SLAMF9: variants seen among roughly 807,000 people sequenced by gnomAD.
The protein encoded by SLAMF9 is SLAM family member 9, also known as CD2 family member 10.
In SLAMF9, 25 loss-of-function variants were observed where a neutral mutation model predicts 30.4. The observed-to-expected ratio is 0.82, with a 90% CI of 0.60 to 1.15. SLAMF9 has a LOEUF of 1.15. Among genes scored for constraint, SLAMF9 ranks in the 50% most tolerant of loss-of-function variants. The pLI is 0.00. For synonymous variants in SLAMF9, 129 were observed against 127.2 expected (o/e 1.01, Z -0.09); for missense variants, 344 against 346.1 (o/e 0.99, Z 0.05).
At chr1:159,959,926 C>T in the SLAMF9 span, among the ~76,000 whole-genome samples, 409 of 152,156 alleles carry the variant, frequency 2.7e-3, 1 homozygote, top group Non-Finnish European at 5.0e-3. Flanking sequence ...GTAACTAAGG[C>T]AGGAAGAGAC....
chr1:159,983,336 G>C, the SLAMF9 span: 15 of 152,170 alleles, frequency 9.9e-5, no homozygotes, highest in African/African-American at 3.6e-4. Context: ...TGATAAGTGG[G>C]TATTGAGTGG....
the SLAMF9 span, among the ~76,000 whole-genome samples, chr1:159,963,903 A>G: frequency 1.3e-5 from 2 of 152,170 alleles, no homozygotes; most frequent in East Asian, 1.9e-4. Context: ...TACTAAATAT[A>G]CAAAAAATTA....
At chr1:159,954,356 T>G (rs1651878395), upstream of SLAMF9, 1 of 425,918 alleles carries the variant, frequency 2.3e-6, no homozygotes, top group Non-Finnish European at 4.2e-6. Flanking sequence ...AGATCCTGAT[T>G]GTCATGACAG....
the SLAMF9 span, chr1:159,972,939 G>C: frequency 0.013 from 13,713 of 1,035,248 alleles, 163 homozygotes; most frequent in South Asian, 0.039. Context: ...CCTCCCAGGG[G>C]GTCCCACTGC....
At chr1:159,976,390 C>G in the SLAMF9 span, among the ~76,000 whole-genome samples, 1 of 152,002 alleles carries the variant, frequency 6.6e-6, no homozygotes, top group Non-Finnish European at 1.5e-5. Flanking sequence ...CAGTGCACCT[C>G]CATTTGTATA....
the SLAMF9 span, among the ~76,000 whole-genome samples, chr1:159,977,761 G>A: frequency 1.3e-5 from 2 of 152,172 alleles, no homozygotes; most frequent in Admixed American, 6.5e-5. Flanking sequence ...GATGGAGCCA[G>A]CCATCTACAC....
chr1:159,961,889 C>T, the SLAMF9 span, among the ~76,000 whole-genome samples: 21 of 151,850 alleles, frequency 1.4e-4, no homozygotes, highest in Non-Finnish European at 1.9e-4. Context: ...CCGGGCGTGG[C>T]GGCTCATGCC....
chr1:159,953,511 A>G lies in SLAMF9; in HGVS notation c.189T>C (p.Thr63=), dbSNP rs370201078. The G allele has an allele frequency of 1.2e-6, 2 of 1,614,078 alleles. No individual in the cohort carries two copies. The highest frequency in any genetic ancestry group is 1.7e-6 in the Non-Finnish European group (2 of 1,180,034). ...GATGTCCCTCTTTCCCTGGCACCAC[A>G]GTGGCAAGACTTTTGTGAGAGGACC... is the stretch of plus-strand genomic sequence containing the variant. The part of the protein sequence containing the change: ...IIWSSHKSLA[T]VVPGKEGHPA... Residue 63 remains threonine, a synonymous_variant, in exon 2 of 4, where the codon ACT becomes ACC. Coordinates refer to ENST00000368093, the MANE Select transcript of SLAMF9 (RefSeq NM_033438.4).
Position 159,951,691 on chromosome 1 carries a change from C to A in SLAMF9, c.840G>T (p.Lys280Asn). 1 of 1,614,180 alleles carries A rather than the reference C, an allele frequency of 6.2e-7. No homozygotes were observed. The highest frequency in any genetic ancestry group is 8.5e-7 in the Non-Finnish European group (1 of 1,180,040). ...KLMRNRMKLR[K>N]EAKPGSSPA ...CAGGGCTGGAGCCAGGCTTTGCCTC[C>A]TTCCTCAATTTCATTCTGTTTCTCA... The change falls in exon 4 of 4, where the codon AAG (lysine) becomes AAT (asparagine). Residue 280 changes from lysine to asparagine, a missense_variant. Lys to Asn is a moderately conservative substitution (Grantham distance 94). Transcript: ENST00000368093.
chr1:159,973,274 G>T, the SLAMF9 span: 2 of 751,890 alleles, frequency 2.7e-6, no homozygotes, highest in Admixed American at 2.2e-5. Context: ...CAGGAGGTGG[G>T]AACTGCTCTG....
chr1:159,968,363 A>G, the SLAMF9 span, among the ~76,000 whole-genome samples: 18 of 152,166 alleles, frequency 1.2e-4, no homozygotes, highest in African/African-American at 4.3e-4. Context: ...TCTCTGATGT[A>G]CCAAGTATTT....
At chr1:159,957,108 C>T (rs573227329), upstream of SLAMF9, among the ~76,000 whole-genome samples, 9 of 101,858 alleles carry the variant, frequency 8.8e-5, no homozygotes, top group Admixed American at 1.7e-4. Context: ...GGAGACAGAG[C>T]GAGACTCTGT....
the SLAMF9 span, chr1:159,976,957 AAAGAGAAAGAAAGAAGGAAAG>A: frequency 4.4e-4 from 3 of 6,860 alleles, no homozygotes; most frequent in African/African-American, 6.6e-4. Context: ...AGAAAGAAAG[AAAGAGAAAGAAAGAAGGAAAG>A]AAGGAAAGAA....
intron 1 of SLAMF9, 97 bp downstream of exon 1, chr1:159,953,994 CA>C (rs2101891563): frequency 1.4e-6 from 2 of 1,461,382 alleles, no homozygotes; most frequent in East Asian, 4.6e-5. Context: ...CTGACACATT[CA>C]ACCCCTAAGA....
chr1:159,952,650 A>G, intron 2 of SLAMF9, 116 bp from the exon 3 acceptor site: 1 of 1,127,136 alleles, frequency 8.9e-7, no homozygotes, highest in Admixed American at 2.3e-5. Context: ...GCACCTAAAC[A>G]ACAAATAGGC....
At chr1:159,976,662 C>T in the SLAMF9 span, 1 of 152,020 alleles carries the variant, frequency 6.6e-6, no homozygotes, top group African/African-American at 2.4e-5. Context: ...ATAAACCTCT[C>T]TTTCTTGAAG....
chr1:159,952,225 T>G (rs1304115078), intron 3 of SLAMF9, 37 bp downstream of exon 3: 4 of 1,609,746 alleles, frequency 2.5e-6, no homozygotes, highest in Non-Finnish European at 2.5e-6. Context: ...GGCACTATCT[T>G]TCATGAGCTC....
At chr1:159,971,487 A>T in the SLAMF9 span, among the ~76,000 whole-genome samples, 59 of 152,316 alleles carry the variant, frequency 3.9e-4, no homozygotes, top group African/African-American at 1.3e-3. Flanking sequence ...TCCAGGGTGA[A>T]GGATTCTAGC....
the SLAMF9 span, chr1:159,980,496 A>G: frequency 6.6e-6 from 1 of 151,700 alleles, no homozygotes; most frequent in Non-Finnish European, 1.5e-5. Flanking sequence ...AGTGGGTTTA[A>G]TTTCACCTCA....
Sources: gnomAD v4.1 joint callset for allele counts (sites outside exome capture counted in the v4.1 genomes callset) on GRCh38, gnomAD v4.1.1 for gene constraint, MANE v1.5 for transcripts, NCBI Gene and HGNC (gene_info 2026-07-23, HGNC 2026-07-21) for gene names.